Variants in TTC17 observed in about 807,000 individuals in gnomAD.
TTC17 encodes tetratricopeptide repeat domain 17.
A neutral mutation model predicts 143.8 loss-of-function variants in TTC17; 58 were observed. The observed-to-expected ratio is 0.40, with a 90% confidence interval of 0.33 to 0.50. TTC17 has a LOEUF of 0.50. TTC17 is among the 20% of genes least tolerant of loss of function. The pLI is 0.49. For missense variants in TTC17, 1,273 were observed against 1,392.5 expected (o/e 0.91, Z 1.37); for synonymous variants, 501 against 497.8 (o/e 1.01, Z -0.09).
At chr11:43,364,865 G>A (rs1021699294) in intron 1 of TTC17, among the ~76,000 whole-genome samples, 1 of 152,122 alleles carries the variant, frequency 6.6e-6, no homozygotes, top group South Asian at 2.1e-4. Flanking sequence ...GAGTACAGTG[G>A]CGTGATCTCG....
chr11:43,449,948 C>T, intron 19 of TTC17, 134 bp from the exon 20 acceptor site: 1 of 988,116 alleles, frequency 1.0e-6, no homozygotes, highest in Non-Finnish European at 1.5e-6. Context: ...CGTTTAAAAT[C>T]AGGGGATAGC....
chr11:43,494,088 C>A lies in TTC17; in HGVS notation c.*184C>A. The A allele has an allele frequency of 1.3e-6, 1 of 795,492 alleles. No individual in the cohort carries two copies. Among genetic ancestry groups the A allele is most frequent in the Non-Finnish European group, 1.9e-6 (1 of 539,978 alleles). 49.3% of individuals were successfully genotyped at this position (795,492 alleles called of 1,614,324 possible). ...TTTTTACGTTTCTCCTTTCCCCCAA[C>A]CAACCTCAGAAGAGGCACCTTCAGA... On this transcript the variant is annotated 3_prime_UTR_variant, in exon 24 of 24. Coordinates refer to ENST00000039989, the MANE Select transcript of TTC17 (RefSeq NM_018259.6).
chr11:43,409,922 A>G (rs765724744), intron 15 of TTC17, among the ~76,000 whole-genome samples: 20 of 151,792 alleles, frequency 1.3e-4, no homozygotes, highest in Non-Finnish European at 2.5e-4. Context: ...GCTCACTGCA[A>G]GCTTCGCCAC....
chr11:43,409,139 CTACTG>C (rs1858284636), intron 15 of TTC17, among the ~76,000 whole-genome samples: 1 of 152,184 alleles, frequency 6.6e-6, no homozygotes, highest in African/African-American at 2.4e-5. Context: ...TGTTTCAACT[CTACTG>C]TACAGGTGAT....
intron 21 of TTC17, among the ~76,000 whole-genome samples, chr11:43,469,547 A>G (rs1456393539): frequency 6.6e-6 from 1 of 152,254 alleles, no homozygotes; most frequent in Non-Finnish European, 1.5e-5. Flanking sequence ...ACCAACATCC[A>G]CAACATTGAC....
chr11:43,372,650 C>G (rs1228450744), intron 1 of TTC17, among the ~76,000 whole-genome samples: 6 of 152,012 alleles, frequency 3.9e-5, no homozygotes, highest in Non-Finnish European at 8.8e-5. Flanking sequence ...GCCACTACGC[C>G]TGGCTAATTT....
chr11:43,472,323 A>T (rs1280256639), intron 21 of TTC17, among the ~76,000 whole-genome samples: 1 of 152,220 alleles, frequency 6.6e-6, no homozygotes, highest in African/African-American at 2.4e-5. Context: ...AGCCTGGGTG[A>T]CAAAGTGAGA....
At chr11:43,362,858 C>T (rs888316356) in intron 1 of TTC17, among the ~76,000 whole-genome samples, 45 of 152,192 alleles carry the variant, frequency 3.0e-4, no homozygotes, top group African/African-American at 1.1e-3. Context: ...CAAATATGGT[C>T]CAGGGAATCC....
intron 16 of TTC17, among the ~76,000 whole-genome samples, chr11:43,433,272 T>C (rs560958483): frequency 6.6e-6 from 1 of 152,228 alleles, no homozygotes; most frequent in African/African-American, 2.4e-5. Context: ...GTGCTGGAAT[T>C]ACAGGCGTGA....
chr11:43,493,867 G>T lies in TTC17; in HGVS notation c.3389G>T (p.Cys1130Phe). The change falls in exon 24 of 24, where the codon TGT becomes TTT. Residue 1130 changes from cysteine (C) to phenylalanine (F), a missense_variant. By Grantham distance (205) the Cys-to-Phe change is radical. Transcript: ENST00000039989. ...AAGAACCGAATCCAGACCATCCAGTGTCACTTAATGCTGAAGAAGGGACGG... is the reference window on the plus strand; with the variant it reads ...AAGAACCGAATCCAGACCATCCAGTTTCACTTAATGCTGAAGAAGGGACGG... The part of the protein sequence containing the change: ...PAKNRIQTIQ[C>F]HLMLKKGRRS... 6.2e-7 allele frequency: 1 copy of T among 1,613,830 alleles called. No individual in the cohort carries two copies. The highest frequency in any genetic ancestry group is 8.5e-7 in the Non-Finnish European group (1 of 1,179,848).
At chr11:43,366,069 C>T (rs1035200391) in intron 1 of TTC17, among the ~76,000 whole-genome samples, 1 of 151,934 alleles carries the variant, frequency 6.6e-6, no homozygotes, top group African/African-American at 2.4e-5. Flanking sequence ...CAACCTCCGC[C>T]TCCCAGGTTC....
In TTC17 at chr11:43,407,551, C is replaced by G; in HGVS notation, c.2038C>G (p.Gln680Glu). The G allele has an allele frequency of 6.2e-7, 1 of 1,613,976 alleles. No homozygotes were observed. The change falls in exon 15 of 24, where the codon CAA becomes GAA. Residue 680 changes from glutamine to glutamate, a missense_variant. Transcript: ENST00000039989. ...TCTTGATGCCACTAAGCTGCTACTTCAAGCTTTGGCCATCAATAGCTCTGA... is the reference window on the plus strand; with the variant it reads ...TCTTGATGCCACTAAGCTGCTACTTGAAGCTTTGGCCATCAATAGCTCTGA... Reference protein sequence around the residue: ...LHLDATKLLLQALAINSSEPL... With the variant: ...LHLDATKLLLEALAINSSEPL...
At chr11:43,481,812 G>C (rs770470622) in intron 21 of TTC17, among the ~76,000 whole-genome samples, 2 of 151,258 alleles carry the variant, frequency 1.3e-5, no homozygotes, top group Non-Finnish European at 2.9e-5. Flanking sequence ...GATTTTTTTT[G>C]TTGTTGGGGA....
chr11:43,365,094 G>A (rs1355794840), intron 1 of TTC17, among the ~76,000 whole-genome samples: 4 of 150,780 alleles, frequency 2.7e-5, no homozygotes, highest in Non-Finnish European at 3.0e-5. Flanking sequence ...AACCCACCAC[G>A]CCCGGCCATA....
At position 43,466,620 on chromosome 11, in the gene TTC17, G is replaced by A. The variant is rs534172708; in HGVS notation, c.3030+15355G>A. The A allele has an allele frequency of 4.5e-5, 14 of 308,490 alleles. No homozygotes were observed. In the East Asian group the frequency reaches 8.7e-4, roughly 19 times the overall value. The allele number at this position is 308,490 out of a possible 1,614,324, so 19.1% of individuals were successfully genotyped here. The stretch of plus-strand genomic sequence containing the variant: ...TGGCATTGGTGGCAAGTCCATCTAC[G>A]GGGATAAATTTGATGATAAGAACTT... On this transcript the variant is annotated intron_variant, in intron 21 of 23. Transcript: ENST00000039989.
At chr11:43,395,672 A>C (rs1038488270) in intron 5 of TTC17, among the ~76,000 whole-genome samples, 27 of 152,212 alleles carry the variant, frequency 1.8e-4, no homozygotes, top group Admixed American at 5.9e-4. Context: ...TGAAGATAGA[A>C]TACTTAAGGA....
intron 18 of TTC17, chr11:43,446,339 C>A: frequency 3.2e-6 from 1 of 308,768 alleles, no homozygotes; most frequent in Non-Finnish European, 5.1e-6. Context: ...TGCAATTGTT[C>A]TATATCTTCG....
chr11:43,465,294 C>G (rs1947949334), intron 21 of TTC17, among the ~76,000 whole-genome samples: 2 of 152,172 alleles, frequency 1.3e-5, no homozygotes, highest in Non-Finnish European at 2.9e-5. Context: ...TCTACAACTT[C>G]TTAGACACAA....
intron 1 of TTC17, among the ~76,000 whole-genome samples, chr11:43,377,619 CCCTT>C (rs1043263618): frequency 2.0e-5 from 3 of 151,990 alleles, no homozygotes; most frequent in African/African-American, 7.2e-5. Flanking sequence ...TCAGTGAACT[CCCTT>C]CCTTCTGCTA....
Sources: allele counts gnomAD v4.1 joint callset (sites outside exome capture counted in the v4.1 genomes callset), GRCh38; gene constraint gnomAD v4.1.1; transcripts MANE v1.5; gene names NCBI Gene and HGNC (gene_info 2026-07-23, HGNC 2026-07-21).